TCERG1L: variants seen among roughly 807,000 people sequenced by gnomAD.
The protein encoded by TCERG1L is transcription elongation regulator 1 like, also known as transcription elongation regulator 1-like protein.
Under a neutral mutation model 56.3 loss-of-function variants are expected in TCERG1L, and 37 were observed. That is an observed-to-expected ratio of 0.66 (90% CI 0.51 to 0.87). The LOEUF is 0.87. TCERG1L is among the 40% of genes least tolerant of loss of function. The pLI, the probability that TCERG1L is intolerant of heterozygous loss-of-function variation, is 0.00. For synonymous variants in TCERG1L, 324 were observed against 326.3 expected (o/e 0.99, Z 0.08); for missense variants, 799 against 774.2 (o/e 1.03, Z -0.38).
chr10:131,239,559 G>C (rs941626513), intron 4 of TCERG1L, among the ~76,000 whole-genome samples: 1 of 152,248 alleles, frequency 6.6e-6, no homozygotes, highest in Non-Finnish European at 1.5e-5. Context: ...CCAGGTGTGT[G>C]CTTGCAGGGA....
In TCERG1L at chr10:131,311,119, A is replaced by C. The variant is rs375020262; in HGVS notation, c.342+175T>G. Among the ~76,000 whole-genome samples the C allele has an allele frequency of 5.1e-4, 78 of 152,216 alleles. 1 individual carries two copies. Among genetic ancestry groups the C allele is most frequent in the South Asian group, 2.5e-3 (12 of 4,824 alleles). Reference sequence around the variant, plus strand: ...GCGGAGGTGGACGACCGGGCGTCCAAGCACGAACTTTCTCGCCGAGGCACG... The same window carrying C: ...GCGGAGGTGGACGACCGGGCGTCCACGCACGAACTTTCTCGCCGAGGCACG... On this transcript the variant is annotated intron_variant, in intron 1 of 11. Transcript: ENST00000368642. This position sits in a 1 kb window ranked among gnomAD's most constrained non-coding sequence, Gnocchi z 4.0.
In TCERG1L at chr10:131,277,374, C is replaced by T. The variant is rs566027348; in HGVS notation, c.671-16930G>A. Among the ~76,000 whole-genome samples, 84 of 152,294 alleles carry T rather than the reference C, an allele frequency of 5.5e-4. 1 individual carries two copies. Among genetic ancestry groups the T allele is most frequent in the Middle Eastern group, 6.8e-3 (2 of 294 alleles). On this transcript the variant is annotated intron_variant, in intron 3 of 11. Coordinates refer to ENST00000368642, the MANE Select transcript of TCERG1L (RefSeq NM_174937.4). ...ACGCCCACCCCAAAGCTCTAACAAC[C>T]GGAGCGGTCACTGCAGCTGCCCAGA...
At chr10:131,107,339 A>T (rs1259664976) in intron 9 of TCERG1L, among the ~76,000 whole-genome samples, 1 of 152,102 alleles carries the variant, frequency 6.6e-6, no homozygotes, top group Non-Finnish European at 1.5e-5. Flanking sequence ...TAATAAAATA[A>T]TTTTTCAATG....
At chr10:131,148,662 G>A (rs1345151395) in intron 6 of TCERG1L, among the ~76,000 whole-genome samples, 1 of 104,414 alleles carries the variant, frequency 9.6e-6, no homozygotes, top group African/African-American at 2.9e-5. Context: ...ATCGGGAGAT[G>A]CCTGGCCTTG....
At chr10:131,234,692 T>A (rs1222863676) in intron 4 of TCERG1L, among the ~76,000 whole-genome samples, 2 of 151,608 alleles carry the variant, frequency 1.3e-5, no homozygotes, top group Non-Finnish European at 2.9e-5. Context: ...TGTCGTTGTT[T>A]GTTTGTTTTG....
At chr10:131,255,354 T>C (rs1846155443) in intron 4 of TCERG1L, among the ~76,000 whole-genome samples, 1 of 152,368 alleles carries the variant, frequency 6.6e-6, no homozygotes, top group South Asian at 2.1e-4. Flanking sequence ...TGTTAACATG[T>C]ATGTGAAATT....
chr10:131,282,622 T>C (rs1846473163), intron 3 of TCERG1L, among the ~76,000 whole-genome samples: 1 of 151,446 alleles, frequency 6.6e-6, no homozygotes, highest in South Asian at 2.1e-4. Flanking sequence ...AAAATAACCC[T>C]GCTTTGTTCA....
chr10:131,256,948 AGAAGGAAGGAAG>A (rs71009955), intron 4 of TCERG1L, among the ~76,000 whole-genome samples: 70 of 60,790 alleles, frequency 1.2e-3, no homozygotes, highest in East Asian at 2.2e-3. Flanking sequence ...AGGAAGAGAA[AGAAGGAAGGAAG>A]GAAGGAAGGA....
chr10:131,218,019 C>T (rs1845690126), intron 4 of TCERG1L, among the ~76,000 whole-genome samples: 3 of 152,272 alleles, frequency 2.0e-5, no homozygotes, highest in African/African-American at 7.2e-5. Context: ...CCAACGCACC[C>T]GGCTGTAGCT....
chr10:131,222,953 G>A (rs1269923811), intron 4 of TCERG1L, among the ~76,000 whole-genome samples: 1 of 152,188 alleles, frequency 6.6e-6, no homozygotes, highest in Admixed American at 6.5e-5. Context: ...CCGCCTGTGG[G>A]AAGTCTGCAC....
chr10:131,238,933 C>G (rs1467120396), intron 4 of TCERG1L, among the ~76,000 whole-genome samples: 1 of 152,236 alleles, frequency 6.6e-6, no homozygotes, highest in Non-Finnish European at 1.5e-5. Flanking sequence ...CGTCCCCATG[C>G]AGTGGGTGGT....
chr10:131,255,405 G>A (rs777322710), intron 4 of TCERG1L, among the ~76,000 whole-genome samples: 4 of 152,240 alleles, frequency 2.6e-5, no homozygotes, highest in Admixed American at 6.5e-5. Flanking sequence ...TAGAGATAAT[G>A]CATATGCATA....
chr10:131,160,003 A>T (rs1845960545), intron 6 of TCERG1L, among the ~76,000 whole-genome samples: 1 of 152,176 alleles, frequency 6.6e-6, no homozygotes, highest in African/African-American at 2.4e-5. Flanking sequence ...CTCTCTCTGC[A>T]TTCAGGTGGG....
At chr10:131,128,544 A>G in intron 8 of TCERG1L, among the ~76,000 whole-genome samples, 1 of 152,352 alleles carries the variant, frequency 6.6e-6, no homozygotes, top group South Asian at 2.1e-4. Context: ...TTTACATCCA[A>G]TTCACAGTAA....
At chr10:131,150,516 G>T (rs7093489) in intron 6 of TCERG1L, among the ~76,000 whole-genome samples, 3 of 152,130 alleles carry the variant, frequency 2.0e-5, no homozygotes, top group Non-Finnish European at 4.4e-5. Context: ...GGCTTGGGGA[G>T]CTTTCCTAAC....
intron 10 of TCERG1L, 108 bp downstream of exon 10, chr10:131,104,157 A>C (rs1411270684): frequency 2.0e-5 from 15 of 754,974 alleles, no homozygotes; most frequent in Non-Finnish European, 3.0e-5. Flanking sequence ...GGCCAAATTT[A>C]CAACATGGGT....
intron 4 of TCERG1L, among the ~76,000 whole-genome samples, chr10:131,169,826 G>C (rs747987470): frequency 6.6e-6 from 1 of 152,186 alleles, no homozygotes; most frequent in African/African-American, 2.4e-5. Context: ...GGCAGCCTGC[G>C]AGGAGGCCGT....
At chr10:131,093,435 G>A (rs1243555066) in intron 11 of TCERG1L, 117 bp from the exon 12 acceptor site, 1 of 1,267,770 alleles carries the variant, frequency 7.9e-7, no homozygotes, top group Non-Finnish European at 1.1e-6. Context: ...CCTGGCCGTG[G>A]GTGGCAGGGC....
chr10:131,204,560 C>A (rs551894441), intron 4 of TCERG1L, among the ~76,000 whole-genome samples: 1 of 152,238 alleles, frequency 6.6e-6, no homozygotes, highest in Non-Finnish European at 1.5e-5. Flanking sequence ...GGCTTCCCAG[C>A]AGCGGTGGCC....
Sources: allele counts gnomAD v4.1 joint callset (sites outside exome capture counted in the v4.1 genomes callset), GRCh38; gene constraint gnomAD v4.1.1; non-coding constraint Gnocchi (gnomAD v3.1); transcripts MANE v1.5; gene names NCBI Gene and HGNC (gene_info 2026-07-23, HGNC 2026-07-21).